ERO1B: variants seen among roughly 807,000 people sequenced by gnomAD.
ERO1B encodes endoplasmic reticulum oxidoreductase 1 beta.
A neutral mutation model predicts 75.3 loss-of-function variants in ERO1B; 49 were observed. The ratio of observed to expected loss-of-function variants is 0.65; its 90% CI spans 0.52 to 0.83. The LOEUF (loss-of-function observed/expected upper bound fraction) is 0.83. ERO1B is among the 40% of genes least tolerant of loss of function. The pLI, the probability that ERO1B is intolerant of heterozygous loss-of-function variation, is 0.00. For missense variants in ERO1B, 512 were observed against 560.1 expected, an observed-to-expected ratio of 0.91 and a Z score of 0.87; for synonymous variants, 191 against 192.9, an observed-to-expected ratio of 0.99 and a Z score of 0.08.
chr1:236,228,668 A>G (rs186506965), intron 10 of ERO1B, among the ~76,000 whole-genome samples: 1 of 152,328 alleles, frequency 6.6e-6, no homozygotes, highest in African/African-American at 2.4e-5. Flanking sequence ...TGTAACAGTA[A>G]TATTTGGCAT....
intron 1 of ERO1B, among the ~76,000 whole-genome samples, chr1:236,278,228 G>A (rs1275093977): frequency 6.6e-6 from 1 of 152,094 alleles, no homozygotes; most frequent in Non-Finnish European, 1.5e-5. Context: ...TATTTGGCTT[G>A]CGAACCTGTG....
At chr1:236,266,091 G>A (rs527606126) in intron 2 of ERO1B, among the ~76,000 whole-genome samples, 1 of 152,042 alleles carries the variant, frequency 6.6e-6, no homozygotes, top group Non-Finnish European at 1.5e-5. Flanking sequence ...TTTATTGTTT[G>A]TCTCTCTTAT....
intron 2 of ERO1B, among the ~76,000 whole-genome samples, chr1:236,267,070 A>T (rs1244559557): frequency 6.6e-6 from 1 of 152,238 alleles, no homozygotes; most frequent in African/African-American, 2.4e-5. Flanking sequence ...GAGACTGTCA[A>T]CCAAGGTGTC....
At chr1:236,251,481 G>A in intron 4 of ERO1B, 1 of 980,910 alleles carries the variant, frequency 1.0e-6, no homozygotes, top group Non-Finnish European at 1.2e-6. Context: ...ACGGGAGAGA[G>A]AGCAAGAAGA....
At chr1:236,276,002 AAC>A (rs1324559893) in intron 1 of ERO1B, among the ~76,000 whole-genome samples, 1 of 152,248 alleles carries the variant, frequency 6.6e-6, no homozygotes, top group African/African-American at 2.4e-5. Context: ...GCAGAAATCT[AAC>A]AGAGTGAATC....
chr1:236,239,993 C>T (rs575592198), intron 6 of ERO1B, among the ~76,000 whole-genome samples: 1 of 149,516 alleles, frequency 6.7e-6, no homozygotes, highest in Non-Finnish European at 1.5e-5. Context: ...CAACCTCTGC[C>T]TGTCGGGTTC....
intron 6 of ERO1B, among the ~76,000 whole-genome samples, chr1:236,242,732 A>T (rs1185144293): frequency 6.6e-6 from 1 of 152,136 alleles, no homozygotes; most frequent in Non-Finnish European, 1.5e-5. Context: ...CCAAGGAAAA[A>T]GGTGAAGAGA....
chr1:236,244,657 A>T (rs1030680275), intron 5 of ERO1B, among the ~76,000 whole-genome samples: 4 of 152,182 alleles, frequency 2.6e-5, no homozygotes, highest in African/African-American at 9.7e-5. Flanking sequence ...TCCTCATTTG[A>T]AGAGGCTTTG....
intron 6 of ERO1B, among the ~76,000 whole-genome samples, chr1:236,238,091 T>C (rs1664587510): frequency 6.6e-6 from 1 of 152,210 alleles, no homozygotes; most frequent in South Asian, 2.1e-4. Context: ...TCCACCTGCC[T>C]GGCACTTTCA....
At chr1:236,239,686 T>C (rs73112999) in intron 6 of ERO1B, among the ~76,000 whole-genome samples, 11,247 of 151,164 alleles carry the variant, frequency 0.074, 839 homozygotes, top group East Asian at 0.39. Flanking sequence ...TATGACCCTC[T>C]CCCACAAAAG....
intron 1 of ERO1B, 77 bp from the exon 2 acceptor site, chr1:236,270,071 G>T: frequency 9.4e-7 from 1 of 1,066,522 alleles, no homozygotes; most frequent in Non-Finnish European, 1.3e-6. Context: ...ATATAAAAAT[G>T]TAATTTATTC....
intron 6 of ERO1B, among the ~76,000 whole-genome samples, chr1:236,243,163 C>T (rs569843755): frequency 6.6e-6 from 1 of 152,194 alleles, no homozygotes; most frequent in African/African-American, 2.4e-5. Context: ...GTTATTTAGT[C>T]TTTTTCAGAC....
chr1:236,264,908 C>G (rs1665397467), intron 2 of ERO1B, among the ~76,000 whole-genome samples: 1 of 152,060 alleles, frequency 6.6e-6, no homozygotes, highest in African/African-American at 2.4e-5. Context: ...ACAATGCACA[C>G]TATCCGGGCG....
At chr1:236,254,159 G>A (rs1292253153) in intron 2 of ERO1B, among the ~76,000 whole-genome samples, 1 of 152,174 alleles carries the variant, frequency 6.6e-6, no homozygotes, top group Non-Finnish European at 1.5e-5. Context: ...GGACAGTCAT[G>A]CAGGACATTT....
At chr1:236,220,114 T>C (rs1664102092) in intron 15 of ERO1B, 1 of 150,086 alleles carries the variant, frequency 6.7e-6, no homozygotes. Flanking sequence ...TTAAAACACA[T>C]GTTAAGAAAA....
At chr1:236,234,028 G>C (rs140444772) in intron 8 of ERO1B, among the ~76,000 whole-genome samples, 1 of 152,280 alleles carries the variant, frequency 6.6e-6, no homozygotes, top group African/African-American at 2.4e-5. Context: ...TATAAGCCTA[G>C]GGGTTATGAC....
At chr1:236,243,901 C>G (rs140325525) in intron 5 of ERO1B, among the ~76,000 whole-genome samples, 79 of 152,216 alleles carry the variant, frequency 5.2e-4, no homozygotes, top group African/African-American at 1.8e-3. Flanking sequence ...TAAATTGTGT[C>G]TATACTTACA....
intron 5 of ERO1B, among the ~76,000 whole-genome samples, chr1:236,245,423 TACGTATATATATACAC>T (rs1196708083): frequency 2.3e-5 from 1 of 43,566 alleles, no homozygotes. Flanking sequence ...CGTATATATA[TACGTATATATATACAC>T]ACGTATATAT....
chr1:236,220,706 A>T, intron 15 of ERO1B, 126 bp downstream of exon 15: 1 of 969,112 alleles, frequency 1.0e-6, no homozygotes, highest in Non-Finnish European at 1.4e-6. Flanking sequence ...CTAAGTTAGT[A>T]CAGATACAAT....
Sources: gnomAD v4.1 joint callset for allele counts (sites outside exome capture counted in the v4.1 genomes callset) on GRCh38, gnomAD v4.1.1 for gene constraint, MANE v1.5 for transcripts, NCBI Gene and HGNC (gene_info 2026-07-23, HGNC 2026-07-21) for gene names.